The following SRBD1 variants were observed in gnomAD, a reference collection of about 807,000 sequenced individuals.
SRBD1 encodes S1 RNA binding domain 1.
A neutral mutation model predicts 115.3 loss-of-function variants in SRBD1; 88 were observed. That is an observed-to-expected ratio of 0.76 (90% confidence interval 0.64 to 0.91). The LOEUF is 0.91. SRBD1 is among the 40% of genes least tolerant of loss of function. The pLI, the probability that SRBD1 is intolerant of heterozygous loss-of-function variation, is 0.00. For missense variants in SRBD1, 1,385 were observed against 1,177.4 expected, an observed-to-expected ratio of 1.18 and a Z score of -2.58; for synonymous variants, 509 against 407.7, an observed-to-expected ratio of 1.25 and a Z score of -2.99.
intron 2 of SRBD1, among the ~76,000 whole-genome samples, chr2:45,603,533 T>C (rs1455651133): frequency 2.6e-5 from 4 of 152,120 alleles, no homozygotes; most frequent in Non-Finnish European, 4.4e-5. Context: ...TATTTTATTT[T>C]TATTTATTTA....
chr2:45,523,695 T>A (rs1373648451), intron 14 of SRBD1, among the ~76,000 whole-genome samples: 1 of 149,496 alleles, frequency 6.7e-6, no homozygotes, highest in Admixed American at 6.6e-5. Context: ...GAATTTGTAA[T>A]TAAAAAAAAA....
At chr2:45,586,100 T>A (rs993904490) in intron 4 of SRBD1, among the ~76,000 whole-genome samples, 11 of 152,170 alleles carry the variant, frequency 7.2e-5, no homozygotes, top group Non-Finnish European at 1.5e-4. Context: ...GGTAACTCAC[T>A]TTGTCAGCAT....
chr2:45,445,236 CT>C (rs1412929850), intron 16 of SRBD1, among the ~76,000 whole-genome samples: 7 of 152,108 alleles, frequency 4.6e-5, no homozygotes, highest in Non-Finnish European at 1.0e-4. Context: ...TGGCTTAAGA[CT>C]TACATGGTTT....
chr2:45,470,947 AAAT>A (rs1669630410), intron 16 of SRBD1, among the ~76,000 whole-genome samples: 1 of 152,204 alleles, frequency 6.6e-6, no homozygotes, highest in African/African-American at 2.4e-5. Context: ...GTTTCTATTG[AAAT>A]AATATTATAG....
intron 19 of SRBD1, among the ~76,000 whole-genome samples, chr2:45,410,426 C>T (rs760102772): frequency 3.3e-5 from 5 of 152,166 alleles, no homozygotes; most frequent in South Asian, 2.1e-4. Context: ...AAAAAAACTG[C>T]GCAAGAATAT....
intron 16 of SRBD1, among the ~76,000 whole-genome samples, chr2:45,469,360 GTGAACTTGAAAC>G (rs1379386685): frequency 6.6e-6 from 1 of 152,132 alleles, no homozygotes; most frequent in Non-Finnish European, 1.5e-5. Flanking sequence ...AAACTAGAAG[GTGAACTTGAAAC>G]TGAAATGGAT....
chr2:45,438,378 C>T (rs1384726132), intron 16 of SRBD1, among the ~76,000 whole-genome samples: 1 of 152,084 alleles, frequency 6.6e-6, no homozygotes, highest in Non-Finnish European at 1.5e-5. Flanking sequence ...GCACATGTGA[C>T]CAATAACAGA....
intron 16 of SRBD1, among the ~76,000 whole-genome samples, chr2:45,423,653 A>T (rs1668070687): frequency 1.3e-5 from 2 of 152,212 alleles, no homozygotes; most frequent in South Asian, 4.1e-4. Context: ...CAAACTCTTT[A>T]AAAAAACAGA....
rs1671139665 is a variant in SRBD1, at chr2:45,516,997, A to G, written c.1875-28666T>C. ...GCTTACATGTTAGCCAATATTTACTAATCCTTAAATTTTAAAAAGTGTGCA... is the reference window on the plus strand; with the variant it reads ...GCTTACATGTTAGCCAATATTTACTGATCCTTAAATTTTAAAAAGTGTGCA... On this transcript the variant is annotated intron_variant, in intron 14 of 20. Coordinates refer to ENST00000263736, the MANE Select transcript of SRBD1 (RefSeq NM_018079.5). Among the ~76,000 whole-genome samples the G allele has an allele frequency of 2.0e-5, 3 of 152,208 alleles. No homozygotes were observed. The South Asian group carries it at 6.2e-4, about 32-fold the overall frequency.
intron 14 of SRBD1, among the ~76,000 whole-genome samples, chr2:45,493,853 T>G (rs142132811): frequency 1.5e-3 from 221 of 151,962 alleles, no homozygotes; most frequent in African/African-American, 5.1e-3. Context: ...ATCTAGTGAT[T>G]AAGAGGACAT....
intron 16 of SRBD1, among the ~76,000 whole-genome samples, chr2:45,453,238 T>C (rs1669048982): frequency 7.0e-6 from 1 of 143,182 alleles, no homozygotes; most frequent in South Asian, 2.2e-4. Flanking sequence ...TTTGTATATA[T>C]ACTTTGACTG....
At chr2:45,550,650 G>C (rs544309394) in intron 12 of SRBD1, among the ~76,000 whole-genome samples, 1 of 152,080 alleles carries the variant, frequency 6.6e-6, no homozygotes, top group Non-Finnish European at 1.5e-5. Context: ...AAAAGTAATA[G>C]CATAGAGTTC....
At position 45,417,077 on chromosome 2, in the gene SRBD1, A is replaced by G. The variant is rs537787881; in HGVS notation, c.2333+1288T>C. Among the ~76,000 whole-genome samples the G allele has an allele frequency of 8.1e-4, 124 of 152,304 alleles. 1 individual carries two copies. The highest frequency in any genetic ancestry group is 2.8e-3 in the African/African-American group (115 of 41,546). On this transcript the variant is annotated intron_variant, in intron 18 of 20. Transcript: ENST00000263736. ...AACCAAGTGTTCAAAGAACATATAA[A>G]CTAACAAAAACAGAATCATTTTATC... is the stretch of plus-strand genomic sequence containing the variant.
At chr2:45,540,480 G>T (rs1169451526) in intron 14 of SRBD1, among the ~76,000 whole-genome samples, 1 of 151,576 alleles carries the variant, frequency 6.6e-6, no homozygotes, top group Non-Finnish European at 1.5e-5. Flanking sequence ...AAAATTTCCA[G>T]AATAGAAAAC....
intron 19 of SRBD1, among the ~76,000 whole-genome samples, chr2:45,403,280 C>T (rs761116754): frequency 7.9e-5 from 12 of 151,886 alleles, no homozygotes; most frequent in Non-Finnish European, 1.5e-4. Context: ...ATGTGTTCTA[C>T]CAACAATTTT....
intron 16 of SRBD1, among the ~76,000 whole-genome samples, chr2:45,454,469 C>T (rs548685493): frequency 2.6e-5 from 4 of 151,818 alleles, no homozygotes; most frequent in East Asian, 3.9e-4. Context: ...TCTTTAGGTA[C>T]AAATTTACTT....
At chr2:45,572,411 A>C (rs769812339) in intron 9 of SRBD1, among the ~76,000 whole-genome samples, 2 of 152,170 alleles carry the variant, frequency 1.3e-5, no homozygotes, top group Non-Finnish European at 2.9e-5. Flanking sequence ...TGTATGCTTA[A>C]AAATGGTTAT....
chr2:45,521,165 T>C (rs919438128), intron 14 of SRBD1, among the ~76,000 whole-genome samples: 1 of 151,802 alleles, frequency 6.6e-6, no homozygotes, highest in African/African-American at 2.4e-5. Flanking sequence ...CAGGGAAGTC[T>C]CCCGTTCCAA....
At chr2:45,462,722 A>T (rs1271057977) in intron 16 of SRBD1, among the ~76,000 whole-genome samples, 2 of 151,370 alleles carry the variant, frequency 1.3e-5, no homozygotes, top group Non-Finnish European at 2.9e-5. Flanking sequence ...GCTACTTGGG[A>T]GGCTGAGGCA....
Sources: allele counts gnomAD v4.1 joint callset (sites outside exome capture counted in the v4.1 genomes callset), GRCh38; gene constraint gnomAD v4.1.1; transcripts MANE v1.5; gene names NCBI Gene and HGNC (gene_info 2026-07-23, HGNC 2026-07-21).